KIR2DL3: variants seen among roughly 807,000 people sequenced by gnomAD.
KIR2DL3 encodes the protein killer cell immunoglobulin like receptor, two Ig domains and long cytoplasmic tail 3.
A neutral mutation model predicts 33.8 loss-of-function variants in KIR2DL3; 39 were observed. The observed-to-expected ratio is 1.15, with a 90% CI of 0.89 to 1.51. The LOEUF (loss-of-function observed/expected upper bound fraction) is 1.51. Among genes scored for constraint, KIR2DL3 ranks in the 40% most tolerant of loss-of-function variants. KIR2DL3 has a pLI of 0.00. For synonymous variants in KIR2DL3, 174 were observed against 160.2 expected (o/e 1.09, Z -0.65); for missense variants, 462 against 426.2 (o/e 1.08, Z -0.74).
At chr19:54,745,710 T>G (rs1266526547) in intron 4 of KIR2DL3, among the ~76,000 whole-genome samples, 1 of 151,798 alleles carries the variant, frequency 6.6e-6, no homozygotes. Context: ...CCGTAAAGGC[T>G]GTACTAATTT....
intron 2 of KIR2DL3, among the ~76,000 whole-genome samples, chr19:54,740,828 G>T (rs1261051443): frequency 3.3e-5 from 5 of 152,074 alleles, no homozygotes; most frequent in African/African-American, 1.2e-4. Flanking sequence ...TGTCCCACTG[G>T]GCTCAGTGTA....
At chr19:54,742,701 C>A (rs2071405572) in intron 3 of KIR2DL3, among the ~76,000 whole-genome samples, 1 of 150,490 alleles carries the variant, frequency 6.6e-6, no homozygotes, top group South Asian at 2.1e-4. Flanking sequence ...GGCCTTGTGG[C>A]ACCTACAGGC....
intron 2 of KIR2DL3, 81 bp from the exon 3 acceptor site, chr19:54,741,899 G>C: frequency 1.5e-6 from 2 of 1,361,294 alleles, no homozygotes; most frequent in Non-Finnish European, 2.1e-6. Context: ...ACACCAGCAA[G>C]GGGAAGCCTC....
At chr19:54,742,540 C>G (rs1406440985) in intron 3 of KIR2DL3, among the ~76,000 whole-genome samples, 2 of 151,980 alleles carry the variant, frequency 1.3e-5, no homozygotes, top group Non-Finnish European at 2.9e-5. Context: ...ACAGACATGT[C>G]CCAGAGAGAG....
rs1383989111 is a variant in KIR2DL3, at chr19:54,744,951, TATA to T, written c.664+864_664+866del. 4.0e-3 allele frequency among the ~76,000 whole-genome samples: 123 copies of T among 30,532 alleles called. 1 individual carries two copies. Among genetic ancestry groups the T allele is most frequent in the African/African-American group, 0.013 (101 of 7,762 alleles). The allele number at this position is 30,532 out of a possible 152,430, so 20.0% of individuals were successfully genotyped here. ...ATATATATATATATATATATATATA[TATA>T]TTTTTTTTTTTTTTTTTTTTTTTAC... On this transcript the variant is annotated intron_variant, in intron 4 of 7. Coordinates refer to ENST00000342376, the MANE Select transcript of KIR2DL3 (RefSeq NM_015868.3).
chr19:54,747,784 G>A (rs1212550653), intron 5 of KIR2DL3, among the ~76,000 whole-genome samples: 1 of 152,122 alleles, frequency 6.6e-6, no homozygotes. Context: ...ATTACTGTTG[G>A]TCATGAAGCA....
At chr19:54,741,775 G>A (rs1476274841) in intron 2 of KIR2DL3, among the ~76,000 whole-genome samples, 1 of 151,508 alleles carries the variant, frequency 6.6e-6, no homozygotes, top group Admixed American at 6.6e-5. Flanking sequence ...GGAATCAGAG[G>A]CTACTAGAGA....
At chr19:54,744,515 C>T (rs1341723695) in intron 4 of KIR2DL3, among the ~76,000 whole-genome samples, 16 of 151,776 alleles carry the variant, frequency 1.1e-4, no homozygotes, top group African/African-American at 3.9e-4. Flanking sequence ...ACCTATATAG[C>T]TTACCACCTT....
chr19:54,751,641 T>G lies in KIR2DL3; in HGVS notation c.716-8T>G. The stretch of plus-strand genomic sequence containing the variant: ...TTAGCTTCTTATTGGTGTCTCCTCT[T>G]CTTCCAGGTAACCCCAGACACCTGC... On this transcript the variant is annotated splice_polypyrimidine_tract_variant and splice_region_variant and intron_variant, in intron 5 of 7. Transcript: ENST00000342376. The G allele has an allele frequency of 6.7e-7, 1 of 1,491,632 alleles. No individual in the cohort carries two copies. Among genetic ancestry groups the G allele is most frequent in the Non-Finnish European group, 9.1e-7 (1 of 1,096,622 alleles). 92.4% of individuals were successfully genotyped at this position (1,491,632 alleles called of 1,614,324 possible). A position where few individuals can be genotyped will look rare whatever the true frequency, so the allele number is the denominator to read the frequency against.
chr19:54,744,400 T>G (rs1289860495), intron 4 of KIR2DL3, among the ~76,000 whole-genome samples: 3 of 152,108 alleles, frequency 2.0e-5, no homozygotes, highest in Non-Finnish European at 2.9e-5. Context: ...CATTACCCAT[T>G]TCCCAGAAGC....
At chr19:54,741,570 G>C (rs371518531) in intron 2 of KIR2DL3, among the ~76,000 whole-genome samples, 103 of 151,904 alleles carry the variant, frequency 6.8e-4, no homozygotes, top group African/African-American at 2.1e-3. Flanking sequence ...GTGGACACTG[G>C]TGCCTGCCTT....
At chr19:54,751,152 G>A (rs2073359885) in intron 5 of KIR2DL3, among the ~76,000 whole-genome samples, 1 of 132,624 alleles carries the variant, frequency 7.5e-6, no homozygotes, top group Non-Finnish European at 1.6e-5. Context: ...GCCTCAGGCT[G>A]CTCCCACTCT....
rs2071675431 is a variant in KIR2DL3, at chr19:54,743,852, A to G, written c.428A>G (p.Glu143Gly). 6.2e-7 allele frequency: 1 copy of G among 1,613,488 alleles called. No homozygotes were observed. The highest frequency in any genetic ancestry group is 8.5e-7 in the Non-Finnish European group (1 of 1,179,718). Residue 143 changes from glutamate (E) to glycine (G), a missense_variant, in exon 4 of 8, where the codon GAG becomes GGG. Coordinates refer to ENST00000342376, the MANE Select transcript of KIR2DL3 (RefSeq NM_015868.3). ...AQPGPTVLAG[E>G]SVTLSCSSRS... ...CCGGGCCCCACGGTTCTGGCAGGAGAGAGCGTGACCTTGTCCTGCAGCTCC... is the reference window on the plus strand; with the variant it reads ...CCGGGCCCCACGGTTCTGGCAGGAGGGAGCGTGACCTTGTCCTGCAGCTCC...
At chr19:54,741,921 G>A in intron 2 of KIR2DL3, 59 bp from the exon 3 acceptor site, 2 of 1,421,534 alleles carry the variant, frequency 1.4e-6, no homozygotes, top group Non-Finnish European at 2.0e-6. Context: ...CTCATTCTAG[G>A]TGCCATGGAT....
At chr19:54,751,791 C>T in intron 6 of KIR2DL3, 38 bp downstream of exon 6, 1 of 1,393,418 alleles carries the variant, frequency 7.2e-7, no homozygotes, top group Non-Finnish European at 9.8e-7. Flanking sequence ...AGCTCAGGGC[C>T]ATGTGGGGAA....
chr19:54,747,051 T>C (rs2072623366), intron 4 of KIR2DL3, among the ~76,000 whole-genome samples: 1 of 141,168 alleles, frequency 7.1e-6, no homozygotes, highest in Non-Finnish European at 1.6e-5. Context: ...TCTGCTCCAT[T>C]GTTCTACGTG....
Position 54,752,508 on chromosome 19 carries a change from G to T in KIR2DL3, c.1015G>T (p.Ala339Ser). The T allele has an allele frequency of 1.4e-6, 2 of 1,463,952 alleles. No individual in the cohort carries two copies. The highest frequency in any genetic ancestry group is 1.9e-6 in the Non-Finnish European group (2 of 1,076,720). The allele number at this position is 1,463,952 out of a possible 1,614,324, so 90.7% of individuals were successfully genotyped here. A position where few individuals can be genotyped will look rare whatever the true frequency, so the allele number is the denominator to read the frequency against. ...DIIVYTELPN[A>S]EP ...CATCGTGTACACGGAACTTCCAAAT[G>T]CTGAGCCCTGATCCAAAGTTGTCTC... The change falls in exon 8 of 8, where the codon GCT becomes TCT. Residue 339 changes from alanine (A) to serine (S), a missense_variant. Ala to Ser is a moderately conservative substitution (Grantham distance 99, BLOSUM62 1). Transcript: ENST00000342376.
chr19:54,747,179 G>C (rs559396587), intron 4 of KIR2DL3, among the ~76,000 whole-genome samples, 156 bp from the exon 5 acceptor site: 4,282 of 145,952 alleles, frequency 0.029, 105 homozygotes, highest in Middle Eastern at 0.074. Context: ...AAGACAGTGG[G>C]CGTCACATAC....
At position 54,752,393 on chromosome 19, in the gene KIR2DL3, G is replaced by A. The variant is rs1289000434; in HGVS notation, c.900G>A (p.Glu300=). The A allele has an allele frequency of 1.0e-5, 15 of 1,471,068 alleles. 4 individuals carry two copies. The highest frequency in any genetic ancestry group is 2.3e-5 in the East Asian group (1 of 44,288). The allele number at this position is 1,471,068 out of a possible 1,614,324, so 91.1% of individuals were successfully genotyped here. A position where few individuals can be genotyped will look rare whatever the true frequency, so the allele number is the denominator to read the frequency against. ...REDSDEQDPQ[E]VTYAQLNHCV... Reference sequence around the variant, plus strand: ...ACTCTGATGAACAAGACCCTCAGGAGGTGACATATGCACAGTTGAATCACT... The same window carrying A: ...ACTCTGATGAACAAGACCCTCAGGAAGTGACATATGCACAGTTGAATCACT... Residue 300 remains glutamate, a synonymous_variant, in exon 8 of 8, where the codon GAG becomes GAA. Coordinates refer to ENST00000342376, the MANE Select transcript of KIR2DL3 (RefSeq NM_015868.3).
Sources: allele counts gnomAD v4.1 joint callset (sites outside exome capture counted in the v4.1 genomes callset), GRCh38; gene constraint gnomAD v4.1.1; transcripts MANE v1.5; gene names NCBI Gene and HGNC (gene_info 2026-07-23, HGNC 2026-07-21).